The following RELN variants were observed in gnomAD, a reference collection of about 807,000 sequenced individuals.
RELN encodes reelin.
A neutral mutation model predicts 427.6 loss-of-function variants in RELN; 108 were observed. The ratio of observed to expected loss-of-function variants is 0.25; its 90% CI spans 0.22 to 0.30. The LOEUF (loss-of-function observed/expected upper bound fraction) is 0.30, where lower values mean the gene tolerates loss of function less well. RELN is among the 10% of genes least tolerant of loss of function. The pLI, the probability that RELN is intolerant of heterozygous loss-of-function variation, is 1.00. For missense variants in RELN, 3,715 were observed against 4,302.8 expected (o/e 0.86, Z 3.82); for synonymous variants, 1,524 against 1,513.4 (o/e 1.01, Z -0.16).
intron 33 of RELN, 56 bp downstream of exon 33, chr7:103,566,168 T>C: frequency 1.4e-6 from 2 of 1,452,580 alleles, no homozygotes; most frequent in Non-Finnish European, 1.9e-6. Flanking sequence ...GACTTTTAGT[T>C]AATTTAGTCC....
chr7:103,811,660 C>A (rs1048498318), intron 3 of RELN, among the ~76,000 whole-genome samples: 6 of 152,146 alleles, frequency 3.9e-5, no homozygotes, highest in African/African-American at 9.7e-5. Flanking sequence ...AAACTACATA[C>A]GTACCAGATT....
chr7:103,774,411 T>C (rs1438007233), intron 4 of RELN, among the ~76,000 whole-genome samples: 1 of 152,144 alleles, frequency 6.6e-6, no homozygotes, highest in African/African-American at 2.4e-5. Flanking sequence ...TTTTTCAATA[T>C]GTTTAGCAAG....
intron 1 of RELN, among the ~76,000 whole-genome samples, chr7:103,925,798 G>A (rs1380412363): frequency 6.6e-6 from 1 of 152,104 alleles, no homozygotes; most frequent in Non-Finnish European, 1.5e-5. Context: ...AATTTTCTAG[G>A]TTGAGAAGAA....
chr7:103,702,783 T>C (rs554974414), intron 8 of RELN, among the ~76,000 whole-genome samples: 1 of 152,284 alleles, frequency 6.6e-6, no homozygotes, highest in Admixed American at 6.5e-5. Context: ...TCTGCAATAG[T>C]GATTAGTCAG....
At chr7:103,519,898 A>G (rs927250740) in intron 48 of RELN, among the ~76,000 whole-genome samples, 1 of 152,066 alleles carries the variant, frequency 6.6e-6, no homozygotes, top group Admixed American at 6.6e-5. Flanking sequence ...GTATTGTGGC[A>G]CTGATTTTCT....
At chr7:103,493,867 G>T (rs1828745232) in intron 57 of RELN, among the ~76,000 whole-genome samples, 2 of 152,126 alleles carry the variant, frequency 1.3e-5, no homozygotes, top group African/African-American at 2.4e-5. Context: ...TGACTTTCAA[G>T]TATGTAGTTT....
At position 103,825,345 on chromosome 7, in the gene RELN, C is replaced by G. The variant is rs1236526584; in HGVS notation, c.473+8192G>C. ...AAAGAGCAGCACTAAGTCCTGGGCA[C>G]TGTAAGGGATGATAACCAGAGGCAA... On this transcript the variant is annotated intron_variant, in intron 3 of 64. Transcript: ENST00000428762. 2.0e-5 allele frequency among the ~76,000 whole-genome samples: 3 copies of G among 152,010 alleles called. No homozygotes were observed. In the East Asian group the frequency reaches 5.8e-4, roughly 29 times the overall value.
In RELN at chr7:103,540,463, T is replaced by G. The variant is rs770471623; in HGVS notation, c.6672-8A>C. The G allele has an allele frequency of 2.5e-6, 4 of 1,613,354 alleles. No homozygotes were observed. The highest frequency in any genetic ancestry group is 3.4e-6 in the Non-Finnish European group (4 of 1,179,940). On this transcript the variant is annotated splice_region_variant and splice_polypyrimidine_tract_variant and intron_variant, in intron 43 of 64. Coordinates refer to ENST00000428762, the MANE Select transcript of RELN (RefSeq NM_005045.4). ...ATGAAGAACTGCACAAATCTGACAT[T>G]TGTAAACGTTACTGAAGACTTTCAC...
chr7:103,955,168 C>G (rs1293900220), intron 1 of RELN, among the ~76,000 whole-genome samples: 1 of 152,188 alleles, frequency 6.6e-6, no homozygotes, highest in East Asian at 1.9e-4. Flanking sequence ...AGTTAAGAAG[C>G]CAGGGATCCA....
intron 2 of RELN, among the ~76,000 whole-genome samples, chr7:103,876,514 T>G (rs560697346): frequency 3.9e-5 from 6 of 152,252 alleles, no homozygotes; most frequent in Admixed American, 1.3e-4. Context: ...ATGTTATTAC[T>G]AACATTAAGC....
At chr7:103,886,626 T>A (rs893520689) in intron 2 of RELN, among the ~76,000 whole-genome samples, 1 of 152,338 alleles carries the variant, frequency 6.6e-6, no homozygotes, top group African/African-American at 2.4e-5. Flanking sequence ...AATCCCATAA[T>A]GTTATAATCT....
chr7:103,931,046 A>G (rs1328228286), intron 1 of RELN, among the ~76,000 whole-genome samples: 3 of 152,072 alleles, frequency 2.0e-5, no homozygotes, highest in African/African-American at 7.3e-5. Flanking sequence ...CCTGAGTCTT[A>G]TAAAATTCCC....
chr7:103,969,669 C>T (rs969821939), intron 1 of RELN, among the ~76,000 whole-genome samples: 7 of 152,148 alleles, frequency 4.6e-5, no homozygotes, highest in African/African-American at 1.7e-4. Context: ...TATTAAAGTA[C>T]TAGGAGAAAG....
chr7:103,965,978 T>G (rs944586720), intron 1 of RELN, among the ~76,000 whole-genome samples: 1 of 152,136 alleles, frequency 6.6e-6, no homozygotes, highest in Non-Finnish European at 1.5e-5. Context: ...TTAAGAAAAA[T>G]TAAGTCCTCA....
rs1829646912 is a variant in RELN at position 103,519,328 on chromosome 7, C to A, written c.7857G>T (p.Lys2619Asn). ...ATATCAAATCGAATACAAACCCGGG[C>A]TTACTGTACTGGTCATAGAAAATCT... is the stretch of plus-strand genomic sequence containing the variant. ...LMEIFYDQYSKPGFVNILLPP... is the reference protein window; with the variant it reads ...LMEIFYDQYSNPGFVNILLPP... The change falls in exon 49 of 65, where the codon AAG becomes AAT. Residue 2619 changes from lysine (K) to asparagine (N), a missense_variant. Coordinates refer to ENST00000428762, the MANE Select transcript of RELN (RefSeq NM_005045.4). 1 of 1,612,518 alleles carries A rather than the reference C, an allele frequency of 6.2e-7. No homozygotes were observed. Among genetic ancestry groups the A allele is most frequent in the Non-Finnish European group, 8.5e-7 (1 of 1,178,686 alleles).
At position 103,561,411 on chromosome 7, in the gene RELN, T is replaced by G; in HGVS notation, c.5529+121A>C. 5.7e-6 allele frequency: 5 copies of G among 876,178 alleles called. No homozygotes were observed. The South Asian group carries it at 6.8e-5, about 12-fold the overall frequency. 54.3% of individuals were successfully genotyped at this position (876,178 alleles called of 1,614,324 possible). ...AAACATGGTTTGGGCTAAAAGTCAA[T>G]AACTATGTATTAAATATTATGTCAT... On this transcript the variant is annotated intron_variant, in intron 36 of 64. Coordinates refer to ENST00000428762, the MANE Select transcript of RELN (RefSeq NM_005045.4).
chr7:103,886,253 C>A (rs894413133), intron 2 of RELN, among the ~76,000 whole-genome samples: 1 of 152,108 alleles, frequency 6.6e-6, no homozygotes, highest in Admixed American at 6.5e-5. Context: ...ATGAGTTTAA[C>A]CTTTGTTAAT....
At chr7:103,840,490 G>C (rs1397054083) in intron 2 of RELN, among the ~76,000 whole-genome samples, 3 of 152,178 alleles carry the variant, frequency 2.0e-5, no homozygotes, top group African/African-American at 7.2e-5. Context: ...TGATCACTAA[G>C]ACTCCTTTCT....
At chr7:103,931,495 T>C (rs989063221) in intron 1 of RELN, among the ~76,000 whole-genome samples, 6 of 152,206 alleles carry the variant, frequency 3.9e-5, no homozygotes. Flanking sequence ...TTGGAACCTA[T>C]GGCAATGTCT....
Sources: allele counts gnomAD v4.1 joint callset (sites outside exome capture counted in the v4.1 genomes callset), GRCh38; gene constraint gnomAD v4.1.1; transcripts MANE v1.5; gene names NCBI Gene and HGNC (gene_info 2026-07-23, HGNC 2026-07-21).